Variants in ADGRF1 observed in about 807,000 individuals in gnomAD.
The protein encoded by ADGRF1 is G protein-coupled receptor 110.
In ADGRF1, 85 loss-of-function variants were observed where a neutral mutation model predicts 87.2. The observed-to-expected ratio is 0.97, with a 90% CI of 0.82 to 1.17. The LOEUF (loss-of-function observed/expected upper bound fraction) is 1.17. ADGRF1 is among the 50% of genes most tolerant of loss of function. The pLI is 0.00. For synonymous variants in ADGRF1, 430 were observed against 408.8 expected (o/e 1.05, Z -0.63); for missense variants, 1,169 against 1,077.2 (o/e 1.09, Z -1.19).
At position 47,032,049 on chromosome 6, in the gene ADGRF1, C is replaced by A. The variant is rs1396601341; in HGVS notation, c.-43-2945G>T. On this transcript the variant is annotated intron_variant, in intron 1 of 14. Coordinates refer to ENST00000371253, the MANE Select transcript of ADGRF1 (RefSeq NM_153840.4). ...AAAGCTACACAAGCAATGCTCACAT[C>A]CAGGCAGGTTTGAGAGCTGTTATTC... Among the ~76,000 whole-genome samples, 6 of 152,096 alleles carry A rather than the reference C, an allele frequency of 3.9e-5. No homozygotes were observed. The East Asian group carries it at 1.2e-3, about 29-fold the overall frequency.
chr6:47,031,818 C>T (rs1780440115), intron 1 of ADGRF1, among the ~76,000 whole-genome samples: 1 of 152,152 alleles, frequency 6.6e-6, no homozygotes, highest in South Asian at 2.1e-4. Flanking sequence ...CCTTGACCTC[C>T]TGGTTACAAG....
chr6:47,001,501 C>T lies in ADGRF1; in HGVS notation c.2659G>A (p.Gly887Ser). The T allele has an allele frequency of 6.2e-7, 1 of 1,613,216 alleles. No homozygotes were observed. Residue 887 changes from glycine to serine, a missense_variant and splice_region_variant, in exon 14 of 15, where the codon GGC becomes AGC. Physicochemically the swap from Gly to Ser is moderately conservative, Grantham distance 56. Transcript: ENST00000371253. ...AACCTTTGGTTTTATTGTAACTCAC[C>T]TTTGTTTTGCAGTGGGTTGAAAGGC... Reference protein sequence around the residue: ...SKPFNPLQNKGHYAFSHTGDS... With the variant: ...SKPFNPLQNKSHYAFSHTGDS...
chr6:47,028,280 C>A (rs80091960), intron 2 of ADGRF1, among the ~76,000 whole-genome samples: 1 of 150,730 alleles, frequency 6.6e-6, no homozygotes, highest in Non-Finnish European at 1.5e-5. Context: ...GTAGCAGCCA[C>A]GGAAGTAGTG....
In ADGRF1 at chr6:47,029,122, C is replaced by T; in HGVS notation, c.-43-18G>A. Reference sequence around the variant, plus strand: ...GTCTGTGACTAAACAAGCAGGGTACCAGGTAAGGTAGAGGCACAAAAACAA... The same window carrying T: ...GTCTGTGACTAAACAAGCAGGGTACTAGGTAAGGTAGAGGCACAAAAACAA... On this transcript the variant is annotated intron_variant, in intron 1 of 14. Coordinates refer to ENST00000371253, the MANE Select transcript of ADGRF1 (RefSeq NM_153840.4). 1.4e-6 allele frequency: 2 copies of T among 1,389,806 alleles called. No individual in the cohort carries two copies. The highest frequency in any genetic ancestry group is 1.0e-6 in the Non-Finnish European group (1 of 977,072). 86.1% of individuals were successfully genotyped at this position (1,389,806 alleles called of 1,614,324 possible). A position where few individuals can be genotyped will look rare whatever the true frequency, so the allele number is the denominator to read the frequency against.
intron 13 of ADGRF1, among the ~76,000 whole-genome samples, chr6:47,003,070 C>T (rs1367982254): frequency 6.8e-6 from 1 of 146,516 alleles, no homozygotes; most frequent in Non-Finnish European, 1.5e-5. Flanking sequence ...ATTCTAAGCC[C>T]CCCAACCAAC....
chr6:47,012,705 G>C (rs959840993), intron 9 of ADGRF1: 2 of 985,594 alleles, frequency 2.0e-6, no homozygotes, highest in Non-Finnish European at 2.4e-6. Flanking sequence ...GATGGGAAGA[G>C]AGAGAAACAT....
Position 47,006,187 on chromosome 6 carries a change from A to G in ADGRF1, c.2533-311T>C, listed in dbSNP as rs1779522022. ...GAGTTTCCTAACCACATGAATGGTA[A>G]GACAAGGCAATTACTTTTAGTACAA... On this transcript the variant is annotated intron_variant, in intron 12 of 14. Transcript: ENST00000371253. 2.0e-5 allele frequency among the ~76,000 whole-genome samples: 3 copies of G among 152,320 alleles called. No individual in the cohort carries two copies. The South Asian group carries it at 6.2e-4, about 32-fold the overall frequency.
At chr6:47,028,283 A>G (rs945028841) in intron 2 of ADGRF1, among the ~76,000 whole-genome samples, 6 of 150,584 alleles carry the variant, frequency 4.0e-5, no homozygotes, top group Admixed American at 3.3e-4. Flanking sequence ...GCAGCCACGG[A>G]AGTAGTGAGA....
chr6:47,009,992 G>A lies in ADGRF1; in HGVS notation c.1443C>T (p.Ser481=). 1 of 1,614,140 alleles carries A rather than the reference G, an allele frequency of 6.2e-7. No homozygotes were observed. The highest frequency in any genetic ancestry group is 8.5e-7 in the Non-Finnish European group (1 of 1,179,994). ...TGTTCCCCAGAGTCAACGAGGCCAT[G>A]CTGATAATAGTTTCTGGAAGGGATC... ...FQRSLPETII[S]MASLTLGNIL... The change falls in exon 11 of 15, where the codon AGC becomes AGT. Residue 481 remains serine, a synonymous_variant. Coordinates refer to ENST00000371253, the MANE Select transcript of ADGRF1 (RefSeq NM_153840.4).
chr6:47,003,696 T>C (rs1779430020), intron 13 of ADGRF1, among the ~76,000 whole-genome samples: 1 of 152,198 alleles, frequency 6.6e-6, no homozygotes, highest in Non-Finnish European at 1.5e-5. Context: ...AGTTGTCCCA[T>C]CTTTCCAGAC....
At chr6:47,006,923 A>G (rs1456241827) in intron 12 of ADGRF1, among the ~76,000 whole-genome samples, 1 of 152,240 alleles carries the variant, frequency 6.6e-6, no homozygotes, top group African/African-American at 2.4e-5. Context: ...TTGAAAGAAC[A>G]AAAGAGAATT....
intron 8 of ADGRF1, 47 bp downstream of exon 8, chr6:47,016,566 CTAAT>C (rs1300340110): frequency 2.1e-6 from 3 of 1,433,610 alleles, no homozygotes; most frequent in Non-Finnish European, 2.8e-6. Flanking sequence ...AAATGAACTA[CTAAT>C]TAAAGGACTC....
At chr6:47,030,378 A>G (rs1309360997) in intron 1 of ADGRF1, among the ~76,000 whole-genome samples, 1 of 152,174 alleles carries the variant, frequency 6.6e-6, no homozygotes, top group Non-Finnish European at 1.5e-5. Flanking sequence ...CTATTGCTTT[A>G]AAATTCTTTG....
At chr6:47,031,220 G>A (rs946862438) in intron 1 of ADGRF1, among the ~76,000 whole-genome samples, 1 of 152,136 alleles carries the variant, frequency 6.6e-6, no homozygotes, top group Non-Finnish European at 1.5e-5. Context: ...TTCCAAATGG[G>A]AGACCTGGCC....
intron 11 of ADGRF1, 138 bp downstream of exon 11, chr6:47,008,807 A>T: frequency 5.6e-6 from 4 of 715,430 alleles, no homozygotes; most frequent in Non-Finnish European, 9.3e-6. Context: ...TTTTCTATTT[A>T]TTGTTTCCAT....
chr6:47,022,804 C>CTTTTTTTT (rs11286179), intron 5 of ADGRF1, among the ~76,000 whole-genome samples: 117 of 119,208 alleles, frequency 9.8e-4, no homozygotes, highest in Middle Eastern at 4.4e-3. Context: ...TTTCTTTTTT[C>CTTTTTTTT]TTTTTTTTTT....
At chr6:47,030,578 G>GTGTGTT (rs942936159) in intron 1 of ADGRF1, among the ~76,000 whole-genome samples, 2 of 119,310 alleles carry the variant, frequency 1.7e-5, no homozygotes, top group Admixed American at 8.2e-5. Flanking sequence ...ACATGAATAT[G>GTGTGTT]TGTGTGTGTG....
Position 47,000,244 on chromosome 6 carries a change from G to T in ADGRF1, c.2711C>A (p.Thr904Asn), listed in dbSNP as rs551574765. 2 of 1,608,728 alleles carry T rather than the reference G, an allele frequency of 1.2e-6. No individual in the cohort carries two copies. Among genetic ancestry groups the T allele is most frequent in the East Asian group, 4.5e-5 (2 of 44,756 alleles). The change falls in exon 15 of 15, where the codon ACT becomes AAT. Residue 904 changes from threonine (T) to asparagine (N), a missense_variant. Transcript: ENST00000371253. ...TGDSSDNIML[T>N]QFVSNE ...GCCTTATTCATTTGAGACAAACTGA[G>T]TTAGCATGATGTTGTCGGAGGAATC... is the stretch of plus-strand genomic sequence containing the variant.
intron 7 of ADGRF1, chr6:47,019,587 G>T: frequency 3.4e-6 from 1 of 295,080 alleles, no homozygotes; most frequent in Non-Finnish European, 5.0e-6. Flanking sequence ...GGGAGGCTGA[G>T]GAAGGAGGAT....
Sources: gnomAD v4.1 joint callset for allele counts (sites outside exome capture counted in the v4.1 genomes callset) on GRCh38, gnomAD v4.1.1 for gene constraint, MANE v1.5 for transcripts, NCBI Gene and HGNC (gene_info 2026-07-23, HGNC 2026-07-21) for gene names.